The following PRH1 variants were observed in gnomAD, a reference collection of about 807,000 sequenced individuals.
PRH1 encodes salivary acidic proline-rich phosphoprotein 1/2.
A neutral mutation model predicts 7.9 loss-of-function variants in PRH1; 7 were observed. The ratio of observed to expected loss-of-function variants is 0.89; its 90% CI spans 0.50 to 1.67. The LOEUF (loss-of-function observed/expected upper bound fraction) is 1.67, where lower values mean the gene tolerates loss of function less well. Among genes scored for constraint, PRH1 ranks in the 40% most tolerant of loss-of-function variants. PRH1 has a pLI of 0.00. For synonymous variants in PRH1, 45 were observed against 80.8 expected (o/e 0.56, Z 2.38); for missense variants, 109 against 223.6 (o/e 0.49, Z 3.27).
intron 1 of PRH1, chr12:10,997,706 C>G (rs1407477217): frequency 6.2e-7 from 1 of 1,613,776 alleles, no homozygotes; most frequent in Non-Finnish European, 8.5e-7. Context: ...CCAGAGCAAA[C>G]CAACTCTGGA....
At chr12:11,081,334 T>C (rs1944495196) in intron 1 of PRH1, among the ~76,000 whole-genome samples, 1 of 117,322 alleles carries the variant, frequency 8.5e-6, no homozygotes, top group African/African-American at 2.9e-5. Context: ...AGAATAATCT[T>C]TTATTCTCCT....
intron 1 of PRH1, among the ~76,000 whole-genome samples, chr12:11,122,059 T>C (rs1945925886): frequency 6.6e-6 from 1 of 152,252 alleles, no homozygotes; most frequent in Non-Finnish European, 1.5e-5. Context: ...ATGGTCAGTG[T>C]TGTTATTCAT....
chr12:10,994,535 A>G (rs1270495382), intron 1 of PRH1, among the ~76,000 whole-genome samples: 1 of 152,144 alleles, frequency 6.6e-6, no homozygotes, highest in African/African-American at 2.4e-5. Context: ...ATTACAGCAC[A>G]TAGTGTCACA....
chr12:10,881,865 G>A (rs1443708189), intron 3 of PRH1, among the ~76,000 whole-genome samples: 2 of 152,186 alleles, frequency 1.3e-5, no homozygotes, highest in African/African-American at 4.8e-5. Context: ...TGTGAGGCAG[G>A]ACTGAGCAAA....
At chr12:10,890,498 T>C (rs186748588) in intron 2 of PRH1, among the ~76,000 whole-genome samples, 2 of 152,212 alleles carry the variant, frequency 1.3e-5, no homozygotes, top group East Asian at 3.9e-4. Context: ...TGTTAGAGGC[T>C]GTCACAGTAG....
intron 1 of PRH1, among the ~76,000 whole-genome samples, chr12:11,073,821 C>A (rs1284144041): frequency 1.3e-5 from 2 of 152,152 alleles, no homozygotes; most frequent in East Asian, 1.9e-4. Context: ...CCATCAAGCC[C>A]GTAGGAGAGG....
chr12:11,089,224 C>G (rs1434184382), intron 1 of PRH1, among the ~76,000 whole-genome samples: 1 of 115,912 alleles, frequency 8.6e-6, no homozygotes. Context: ...ACACTGTGGG[C>G]ATAAGGTATG....
intron 2 of PRH1, among the ~76,000 whole-genome samples, chr12:10,900,632 A>G (rs1949709977): frequency 6.6e-6 from 1 of 152,242 alleles, no homozygotes; most frequent in Non-Finnish European, 1.5e-5. Flanking sequence ...GCAACCAGGC[A>G]GCTTAGCTAC....
At chr12:11,134,261 A>G (rs763714284) in intron 1 of PRH1, 3 of 1,594,206 alleles carry the variant, frequency 1.9e-6, no homozygotes, top group South Asian at 1.1e-5. Flanking sequence ...ACAGACAAAA[A>G]GAAATTTTTA....
At chr12:11,100,204 A>C (rs142729355) in intron 1 of PRH1, among the ~76,000 whole-genome samples, 107 of 152,316 alleles carry the variant, frequency 7.0e-4, no homozygotes, top group African/African-American at 2.5e-3. Context: ...AATGCATCAT[A>C]AACAGTCAAC....
Position 11,001,718 on chromosome 12 carries a change from G to A in PRH1, c.-125-27997C>T, listed in dbSNP as rs553203433. ...TTGTACATGTGAGTTTCTGAACTGC[G>A]ATTAGGCTTTACTTTACCTGGCATC... On this transcript the variant is annotated intron_variant, in intron 1 of 3. Coordinates refer to the PRH1 transcript ENST00000539853. 9.7e-4 allele frequency among the ~76,000 whole-genome samples: 148 copies of A among 152,094 alleles called. 1 individual carries two copies. The highest frequency in any genetic ancestry group is 1.8e-3 in the Non-Finnish European group (122 of 68,010).
At chr12:10,944,616 A>C (rs913765570) in intron 2 of PRH1, among the ~76,000 whole-genome samples, 2 of 152,178 alleles carry the variant, frequency 1.3e-5, no homozygotes, top group Non-Finnish European at 2.9e-5. Context: ...ATGGTGACAG[A>C]GGGAATCGTT....
chr12:10,959,781 G>A (rs986291456), intron 2 of PRH1, among the ~76,000 whole-genome samples: 10 of 151,960 alleles, frequency 6.6e-5, no homozygotes, highest in Admixed American at 6.6e-4. Context: ...CCTCTCTATT[G>A]AACCATTTGG....
intron 1 of PRH1, among the ~76,000 whole-genome samples, chr12:10,978,028 T>C (rs984786542): frequency 6.7e-6 from 1 of 149,376 alleles, no homozygotes; most frequent in African/African-American, 2.5e-5. Flanking sequence ...AAACTACCAG[T>C]GACATTCTTC....
chr12:10,924,064 G>A (rs1056187187), intron 2 of PRH1, among the ~76,000 whole-genome samples: 2 of 121,910 alleles, frequency 1.6e-5, no homozygotes, highest in African/African-American at 6.0e-5. Flanking sequence ...CTCAGCTCAC[G>A]GCAAGCTCCG....
intron 1 of PRH1, chr12:10,997,721 G>T: frequency 6.2e-7 from 1 of 1,613,708 alleles, no homozygotes; most frequent in East Asian, 2.2e-5. Context: ...TCTGGAGACT[G>T]CCAGAGCAGC....
At position 10,922,825 on chromosome 12, in the gene PRH1, C is replaced by CTTTTT. The variant is rs139253542; in HGVS notation, c.-58-38555_-58-38551dup. ...ATTGCATCTTTTCCATGAATTTTTT[C>CTTTTT]TTTTTCTTTTTTTTGAGACGGAGTC... On this transcript the variant is annotated intron_variant, in intron 2 of 3. Coordinates refer to the PRH1 transcript ENST00000539853. 8.8e-5 allele frequency among the ~76,000 whole-genome samples: 10 copies of CTTTTT among 113,574 alleles called. 4 individuals are homozygous for CTTTTT. Among genetic ancestry groups the CTTTTT allele is most frequent in the South Asian group, 3.4e-4 (1 of 2,964 alleles). 74.5% of individuals were successfully genotyped at this position (113,574 alleles called of 152,430 possible).
At chr12:10,997,577 G>A (rs978587839) in intron 1 of PRH1, 3 of 1,613,996 alleles carry the variant, frequency 1.9e-6, no homozygotes, top group Non-Finnish European at 1.7e-6. Context: ...GCTGAGGCTA[G>A]TAGCAAGCCA....
intron 1 of PRH1, chr12:11,133,879 C>G (rs748509050): frequency 2.2e-5 from 35 of 1,614,040 alleles, no homozygotes; most frequent in Non-Finnish European, 2.9e-5. Context: ...TAACTCTCCT[C>G]TTTATGCGAA....
Sources: gnomAD v4.1 joint callset for allele counts (sites outside exome capture counted in the v4.1 genomes callset) on GRCh38, gnomAD v4.1.1 for gene constraint, MANE v1.5 for transcripts, NCBI Gene and HGNC (gene_info 2026-07-23, HGNC 2026-07-21) for gene names.